IPCEF1: variants seen among roughly 807,000 people sequenced by gnomAD.
IPCEF1 encodes the protein interactor protein for cytohesin exchange factors 1.
IPCEF1 carries 31 observed loss-of-function variants against 50.9 expected under a neutral mutation model. That is an observed-to-expected ratio of 0.61 (90% CI 0.46 to 0.82). The LOEUF is 0.82. Ranked by LOEUF, IPCEF1 falls within the 40% of genes least tolerant of loss-of-function variation. The pLI, the probability that IPCEF1 is intolerant of heterozygous loss-of-function variation, is 0.00. For synonymous variants in IPCEF1, 181 were observed against 192.0 expected (o/e 0.94, Z 0.47); for missense variants, 458 against 514.0 (o/e 0.89, Z 1.05).
intron 2 of IPCEF1, among the ~76,000 whole-genome samples, chr6:154,269,530 C>A (rs1395505810): frequency 6.6e-6 from 1 of 151,750 alleles, no homozygotes; most frequent in Admixed American, 6.6e-5. Flanking sequence ...GAGACAGGGT[C>A]TTGCTTTGTA....
intron 10 of IPCEF1, among the ~76,000 whole-genome samples, chr6:154,172,949 G>A (rs963830676): frequency 5.9e-5 from 9 of 152,202 alleles, no homozygotes; most frequent in Non-Finnish European, 1.0e-4. Flanking sequence ...GCCCCTCTGG[G>A]GCAAAGCTTC....
intron 5 of IPCEF1, among the ~76,000 whole-genome samples, chr6:154,236,337 C>T (rs1252252284): frequency 6.6e-6 from 1 of 152,174 alleles, no homozygotes; most frequent in African/African-American, 2.4e-5. Context: ...GAGGGAACTA[C>T]AGTAGTCAAA....
intron 2 of IPCEF1, among the ~76,000 whole-genome samples, chr6:154,278,277 T>C (rs1782116001): frequency 1.3e-5 from 2 of 152,336 alleles, no homozygotes; most frequent in African/African-American, 4.8e-5. Context: ...GAGGAACATG[T>C]GCTCTAGCAG....
chr6:154,196,991 G>T (rs1012206587), intron 10 of IPCEF1, among the ~76,000 whole-genome samples: 2 of 152,092 alleles, frequency 1.3e-5, no homozygotes, highest in Admixed American at 6.5e-5. Flanking sequence ...ACTGTAATAT[G>T]TACTGTCTGC....
intron 1 of IPCEF1, among the ~76,000 whole-genome samples, chr6:154,349,621 A>G (rs1447051767): frequency 1.3e-5 from 2 of 152,086 alleles, no homozygotes; most frequent in Non-Finnish European, 2.9e-5. Flanking sequence ...CTATTAATAT[A>G]TGTACATTTG....
At chr6:154,197,886 C>T (rs940903252) in intron 10 of IPCEF1, among the ~76,000 whole-genome samples, 6 of 152,098 alleles carry the variant, frequency 3.9e-5, no homozygotes, top group African/African-American at 1.4e-4. Flanking sequence ...TTAAAGTAAG[C>T]GTTTGTAGGA....
At chr6:154,304,504 T>C (rs909223654) in intron 1 of IPCEF1, among the ~76,000 whole-genome samples, 8 of 152,154 alleles carry the variant, frequency 5.3e-5, no homozygotes, top group Non-Finnish European at 1.2e-4. Flanking sequence ...AGCCCATCAC[T>C]TAGGACACTA....
rs912243253 is a variant in IPCEF1, at chr6:154,159,639, C to T, written c.*189G>A. 36 of 596,408 alleles carry T rather than the reference C, an allele frequency of 6.0e-5. No homozygotes were observed. The highest frequency in any genetic ancestry group is 2.0e-4 in the Admixed American group (6 of 29,748). 36.9% of individuals were successfully genotyped at this position (596,408 alleles called of 1,614,324 possible). On this transcript the variant is annotated 3_prime_UTR_variant, in exon 12 of 12. Transcript: ENST00000367220. ...TCAATCATTCCAATCTCAATGGATG[C>T]GTTACGACTGAAATGAGGAGCCCTG...
At chr6:154,355,374 A>G (rs1784198518) in intron 1 of IPCEF1, among the ~76,000 whole-genome samples, 2 of 152,230 alleles carry the variant, frequency 1.3e-5, no homozygotes, top group Non-Finnish European at 1.5e-5. Flanking sequence ...TATAAGGTAA[A>G]TTAAAGAATG....
chr6:154,237,123 T>C (rs561018393), intron 5 of IPCEF1, among the ~76,000 whole-genome samples: 64 of 152,240 alleles, frequency 4.2e-4, no homozygotes, highest in Non-Finnish European at 6.9e-4. Context: ...ACCTGACCCT[T>C]AAAAGAGCTT....
intron 11 of IPCEF1, among the ~76,000 whole-genome samples, chr6:154,162,941 C>T (rs775137064): frequency 4.6e-5 from 7 of 152,284 alleles, no homozygotes; most frequent in South Asian, 2.1e-4. Flanking sequence ...ACACCAAACC[C>T]GGTTCCTACC....
chr6:154,186,503 C>T (rs144844476), intron 10 of IPCEF1, among the ~76,000 whole-genome samples: 98 of 152,318 alleles, frequency 6.4e-4, no homozygotes, highest in Non-Finnish European at 1.2e-3. Context: ...ATCCTCCTTT[C>T]GCAGATGCTC....
intron 1 of IPCEF1, among the ~76,000 whole-genome samples, chr6:154,295,896 C>T (rs1461480117): frequency 1.9e-5 from 1 of 52,704 alleles, no homozygotes; most frequent in African/African-American, 1.1e-4. Flanking sequence ...CACATGCGTA[C>T]ACACACACAC....
At chr6:154,218,372 G>A (rs1355582801) in intron 7 of IPCEF1, among the ~76,000 whole-genome samples, 3 of 152,172 alleles carry the variant, frequency 2.0e-5, no homozygotes, top group Non-Finnish European at 2.9e-5. Flanking sequence ...CTTTTAAATT[G>A]AGACTCACTA....
chr6:154,296,652 A>AC (rs1165542604), intron 1 of IPCEF1, among the ~76,000 whole-genome samples: 2 of 151,906 alleles, frequency 1.3e-5, no homozygotes, highest in Non-Finnish European at 2.9e-5. Flanking sequence ...ACACAGTGAA[A>AC]CCCCATCTCT....
rs1408758394 is a variant in IPCEF1 at position 154,155,793 on chromosome 6, A to C, written c.*4035T>G. 1 of 152,256 alleles carries C rather than the reference A, an allele frequency of 6.6e-6. No individual in the cohort carries two copies. Among genetic ancestry groups the C allele is most frequent in the East Asian group, 1.9e-4 (1 of 5,206 alleles). The allele number at this position is 152,256 out of a possible 1,614,324, so 9.4% of individuals were successfully genotyped here. ...AAGACTCTGTCTAAAAAAAGAAAAAAAAAAGTATTTCTTACTAAGAGATAA... is the reference window on the plus strand; with the variant it reads ...AAGACTCTGTCTAAAAAAAGAAAAACAAAAGTATTTCTTACTAAGAGATAA... On this transcript the variant is annotated 3_prime_UTR_variant, in exon 12 of 12. Transcript: ENST00000367220.
At chr6:154,176,974 G>A (rs937543005) in intron 10 of IPCEF1, among the ~76,000 whole-genome samples, 7 of 152,142 alleles carry the variant, frequency 4.6e-5, no homozygotes, top group African/African-American at 1.7e-4. Context: ...AGAAGCCTCA[G>A]AAATAACACC....
chr6:154,256,907 T>A (rs1481709149), intron 3 of IPCEF1, among the ~76,000 whole-genome samples: 12 of 152,230 alleles, frequency 7.9e-5, no homozygotes, highest in Non-Finnish European at 2.9e-5. Context: ...CAACACTTTA[T>A]TATAAAATAG....
At chr6:154,350,912 G>A (rs1368763482) in intron 1 of IPCEF1, among the ~76,000 whole-genome samples, 1 of 151,966 alleles carries the variant, frequency 6.6e-6, no homozygotes, top group East Asian at 1.9e-4. Context: ...GTAGAGATGG[G>A]ATCTTGCTTT....
Sources: allele counts gnomAD v4.1 joint callset (sites outside exome capture counted in the v4.1 genomes callset), GRCh38; gene constraint gnomAD v4.1.1; transcripts MANE v1.5; gene names NCBI Gene and HGNC (gene_info 2026-07-23, HGNC 2026-07-21).